The following GAS6 variants were observed in gnomAD, a reference collection of about 807,000 sequenced individuals.
GAS6 encodes the protein growth arrest-specific protein 6.
GAS6 carries 41 observed loss-of-function variants against 75.8 expected under a neutral mutation model. The observed-to-expected ratio is 0.54, with a 90% CI of 0.42 to 0.70. The LOEUF (loss-of-function observed/expected upper bound fraction) is 0.70, where lower values mean the gene tolerates loss of function less well. Ranked by LOEUF, GAS6 falls within the 30% of genes least tolerant of loss-of-function variation. GAS6 has a pLI of 0.00. For missense variants in GAS6, 854 were observed against 940.2 expected (o/e 0.91, Z 1.20); for synonymous variants, 432 against 412.6 (o/e 1.05, Z -0.57).
In GAS6 at chr13:113,844,799, G is replaced by A. The variant is rs1246520525; in HGVS notation, c.343+1728C>T. On this transcript the variant is annotated intron_variant, in intron 4 of 14. Coordinates refer to ENST00000327773, the MANE Select transcript of GAS6 (RefSeq NM_000820.4). This position sits in a 1 kb window ranked among gnomAD's most constrained non-coding sequence, Gnocchi z 5.7. ...GGCAGCAGGTGAGGCACTGGGGTGA[G>A]ACAGACTCAAATGTGTGGTGTTGGG... The A allele has an allele frequency of 6.6e-6, 1 of 150,450 alleles. No homozygotes were observed. The highest frequency in any genetic ancestry group is 1.5e-5 in the Non-Finnish European group (1 of 68,032). 9.3% of individuals were successfully genotyped at this position (150,450 alleles called of 1,614,324 possible).
chr13:113,827,216 C>A, intron 11 of GAS6, 52 bp from the exon 12 acceptor site: 1 of 1,582,116 alleles, frequency 6.3e-7, no homozygotes, highest in South Asian at 1.1e-5. Context: ...AAGCCCCATG[C>A]CGGATGCCCC....
chr13:113,822,018 G>A lies in GAS6; in HGVS notation c.1822C>T (p.Leu608=), dbSNP rs368450891. The A allele has an allele frequency of 1.5e-5, 24 of 1,564,882 alleles. No individual in the cohort carries two copies. The African/African-American group carries it at 3.1e-4, about 20-fold the overall frequency. ...CGCAGGTGCCTCTCGAGCACGGCCA[G>A]CCTCTCCTGCAGCTGCGCGGCGCTC... ...EVSAAQLQER[L]AVLERHLRSP... is the part of the protein sequence containing the mutation. Residue 608 remains leucine (L), a synonymous_variant, in exon 14 of 15, where the codon CTG becomes TTG. Transcript: ENST00000327773.
Position 113,823,500 on chromosome 13 carries a change from C to T in GAS6, c.1528G>A (p.Val510Met), listed in dbSNP as rs1333743733. ...GTESTWEVEV[V>M]AHIRPAADTG... is the part of the protein sequence containing the mutation. The stretch of plus-strand genomic sequence containing the variant: ...TCTGCGGCTGGGCGGATGTGAGCCA[C>T]GACTTCTACTTCCCAGGTTGATTCA... Residue 510 changes from valine to methionine, a missense_variant, in exon 13 of 15, where the codon GTG becomes ATG. By Grantham distance (21) the Val-to-Met change is conservative. Transcript: ENST00000327773. The T allele has an allele frequency of 6.2e-6, 10 of 1,612,724 alleles. No individual in the cohort carries two copies. The highest frequency in any genetic ancestry group is 1.7e-4 in the Middle Eastern group (1 of 6,056).
chr13:113,828,350 C>T (rs1318241181), intron 11 of GAS6, among the ~76,000 whole-genome samples, 197 bp downstream of exon 11: 1 of 152,172 alleles, frequency 6.6e-6, no homozygotes, highest in Non-Finnish European at 1.5e-5. Context: ...ACTTAGGTCT[C>T]ATAAAAAGAG....
At chr13:113,854,667 T>G (rs1372134929) in intron 2 of GAS6, among the ~76,000 whole-genome samples, 1 of 152,224 alleles carries the variant, frequency 6.6e-6, no homozygotes, top group African/African-American at 2.4e-5. Flanking sequence ...CCCGCTGTCT[T>G]TCAGGGCAAG....
chr13:113,843,003 G>A (rs2051802055), intron 4 of GAS6: 2 of 395,266 alleles, frequency 5.1e-6, no homozygotes, highest in Non-Finnish European at 4.4e-6. Context: ...TGTTGGGAAT[G>A]TATTGATACC....
intron 2 of GAS6, among the ~76,000 whole-genome samples, chr13:113,854,394 C>T (rs1030100339): frequency 2.6e-5 from 4 of 152,360 alleles, no homozygotes; most frequent in East Asian, 1.9e-4. Flanking sequence ...AGCTGCACGG[C>T]GGTAACGCCG....
At position 113,848,166 on chromosome 13, in the gene GAS6, C is replaced by G; in HGVS notation, c.256-116G>C. ...TGCTCTCGGGGCAGCCAGAGGGCCG[C>G]CCCACCCGGGGAACTGAGGGGAAGT... On this transcript the variant is annotated intron_variant, in intron 2 of 14. Coordinates refer to ENST00000327773, the MANE Select transcript of GAS6 (RefSeq NM_000820.4). This position sits in a 1 kb window ranked among gnomAD's most constrained non-coding sequence, Gnocchi z 4.8. 1.8e-6 allele frequency: 2 copies of G among 1,111,204 alleles called. No homozygotes were observed. The highest frequency in any genetic ancestry group is 2.7e-6 in the Non-Finnish European group (2 of 754,650). The allele number at this position is 1,111,204 out of a possible 1,614,324, so 68.8% of individuals were successfully genotyped here.
rs1161935247 is a variant in GAS6 at position 113,848,193 on chromosome 13, A to G, written c.256-143T>C. The G allele has an allele frequency of 9.9e-6, 8 of 811,586 alleles. No homozygotes were observed. The highest frequency in any genetic ancestry group is 1.4e-5 in the Non-Finnish European group (7 of 494,290). The allele number at this position is 811,586 out of a possible 1,614,324, so 50.3% of individuals were successfully genotyped here. ...CCACCCGGGGAACTGAGGGGAAGTGACCGGGGCACGACTGCTGTGAGACCA... is the reference window on the plus strand; with the variant it reads ...CCACCCGGGGAACTGAGGGGAAGTGGCCGGGGCACGACTGCTGTGAGACCA... On this transcript the variant is annotated intron_variant, in intron 2 of 14. Transcript: ENST00000327773. This position sits in a 1 kb window ranked among gnomAD's most constrained non-coding sequence, Gnocchi z 4.8.
At position 113,848,888 on chromosome 13, in the gene GAS6, T is replaced by C. The variant is rs2051853154; in HGVS notation, c.256-838A>G. Among the ~76,000 whole-genome samples the C allele has an allele frequency of 1.3e-5, 2 of 152,238 alleles. No individual in the cohort carries two copies. The highest frequency in any genetic ancestry group is 4.1e-4 in the South Asian group (2 of 4,830). On this transcript the variant is annotated intron_variant, in intron 2 of 14. Transcript: ENST00000327773. The surrounding 1 kb of genome is among the most constrained non-coding windows in gnomAD (Gnocchi z 4.8). Reference sequence around the variant, plus strand: ...TGAGGAAACCCGGCTTCAGGATGGTTGTGGGATTCACCTGGGGGCATGAAG... The same window carrying C: ...TGAGGAAACCCGGCTTCAGGATGGTCGTGGGATTCACCTGGGGGCATGAAG...
chr13:113,842,222 C>A (rs1030082119), intron 4 of GAS6: 1 of 159,772 alleles, frequency 6.3e-6, no homozygotes, highest in Non-Finnish European at 1.2e-5. Flanking sequence ...CAGTACACCC[C>A]ACAGTTTCCT....
intron 12 of GAS6, among the ~76,000 whole-genome samples, chr13:113,825,655 G>A (rs540919937): frequency 2.0e-5 from 3 of 152,320 alleles, no homozygotes; most frequent in Non-Finnish European, 4.4e-5. Flanking sequence ...AAGGATTTAA[G>A]CATTTCATAT....
intron 2 of GAS6, among the ~76,000 whole-genome samples, chr13:113,857,496 C>G (rs576798911): frequency 3.3e-5 from 5 of 152,218 alleles, no homozygotes; most frequent in African/African-American, 1.2e-4. Context: ...AAATACGAAA[C>G]CCTTAAACAA....
chr13:113,829,369 CT>C (rs2051598605), intron 10 of GAS6, among the ~76,000 whole-genome samples: 1 of 147,700 alleles, frequency 6.8e-6, no homozygotes. Context: ...GGGACCTGAC[CT>C]CAGGGAGACC....
chr13:113,822,657 A>C (rs13378865), intron 13 of GAS6: 31,700 of 157,368 alleles, frequency 0.2, 3,746 homozygotes, highest in South Asian at 0.46. Flanking sequence ...AGATGCTGAG[A>C]TTGGGTCTGG....
intron 6 of GAS6, 124 bp from the exon 7 acceptor site, chr13:113,835,759 C>T: frequency 2.0e-6 from 3 of 1,483,776 alleles, no homozygotes; most frequent in Non-Finnish European, 2.7e-6. Flanking sequence ...GTGGGGCCAG[C>T]GCGCCCTGGC....
Position 113,837,502 on chromosome 13 carries a change from G to GGCA in GAS6, c.589+564_589+566dup, listed in dbSNP as rs963827468. Among the ~76,000 whole-genome samples the GGCA allele has an allele frequency of 2.0e-5, 3 of 152,288 alleles. No individual in the cohort carries two copies. The highest frequency in any genetic ancestry group is 2.9e-5 in the Non-Finnish European group (2 of 68,016). On this transcript the variant is annotated intron_variant, in intron 6 of 14. Transcript: ENST00000327773. This position sits in a 1 kb window ranked among gnomAD's most constrained non-coding sequence, Gnocchi z 5.1. ...CCCTGCAAAGTGGCAAAGGGCCAGT[G>GGCA]GCAGCAGCAGCACCTGGAACAGCGT... is the stretch of plus-strand genomic sequence containing the variant.
In GAS6 at chr13:113,863,452, GGGACCCTGA is replaced by G; in HGVS notation, c.255+114_255+122del. The G allele has an allele frequency of 2.1e-6, 2 of 959,030 alleles. No homozygotes were observed. Among genetic ancestry groups the G allele is most frequent in the Non-Finnish European group, 2.8e-6 (2 of 718,016 alleles). 59.4% of individuals were successfully genotyped at this position (959,030 alleles called of 1,614,324 possible). A position where few individuals can be genotyped will look rare whatever the true frequency, so the allele number is the denominator to read the frequency against. ...GGACGCGGGGCGGGCCGGGGCTCCT[GGGACCCTGA>G]GGCCAGGCCTCGCCGCGCGGAGCTG... On this transcript the variant is annotated intron_variant, in intron 2 of 14. Transcript: ENST00000327773. This position sits in a 1 kb window ranked among gnomAD's most constrained non-coding sequence, Gnocchi z 9.4.
rs771930361 is a variant in GAS6, at chr13:113,834,542, G to A, written c.834+9C>T. On this transcript the variant is annotated intron_variant, in intron 8 of 14. Transcript: ENST00000327773. ...CCGTGAAGGGCCCGCGGGGCCAGGG[G>A]CCGCCTACCTCACAGGTGTCCATGT... The A allele has an allele frequency of 1.2e-5, 19 of 1,553,278 alleles. No individual in the cohort carries two copies. Among genetic ancestry groups the A allele is most frequent in the African/African-American group, 5.5e-5 (4 of 72,740 alleles).
Sources: allele counts gnomAD v4.1 joint callset (sites outside exome capture counted in the v4.1 genomes callset), GRCh38; gene constraint gnomAD v4.1.1; non-coding constraint Gnocchi (gnomAD v3.1); transcripts MANE v1.5; gene names NCBI Gene and HGNC (gene_info 2026-07-23, HGNC 2026-07-21).